The following ZFHX3 variants were observed in gnomAD, a reference collection of about 807,000 sequenced individuals.
The protein encoded by ZFHX3 is zinc finger homeobox protein 3.
ZFHX3 carries 42 observed loss-of-function variants against 279.1 expected under a neutral mutation model. The observed-to-expected ratio is 0.15, with a 90% confidence interval of 0.12 to 0.19. ZFHX3 has a LOEUF of 0.19. Among genes scored for constraint, ZFHX3 ranks in the 10% least tolerant of loss-of-function variants. The pLI is 1.00. For synonymous variants in ZFHX3, 2,293 were observed against 1,957.8 expected, an observed-to-expected ratio of 1.17 and a Z score of -4.52; for missense variants, 4,981 against 4,754.0, an observed-to-expected ratio of 1.05 and a Z score of -1.40.
At chr16:73,866,099 C>T (rs35498909) in intron 1 of ZFHX3, among the ~76,000 whole-genome samples, 1 of 151,458 alleles carries the variant, frequency 6.6e-6, no homozygotes, top group Non-Finnish European at 1.5e-5. Flanking sequence ...ATCTCCCGGG[C>T]TCAGGCAATC....
intron 1 of ZFHX3, among the ~76,000 whole-genome samples, chr16:73,883,057 A>G (rs2030225433): frequency 6.6e-6 from 1 of 151,284 alleles, no homozygotes; most frequent in Non-Finnish European, 1.5e-5. Flanking sequence ...TTTCACATCA[A>G]AAAAAAAACT....
At chr16:73,103,929 T>A (rs1966261965) in intron 7 of ZFHX3, among the ~76,000 whole-genome samples, 1 of 152,258 alleles carries the variant, frequency 6.6e-6, no homozygotes, top group Admixed American at 6.5e-5. Flanking sequence ...GTTTAGTGAT[T>A]TGACCAAAGT....
At chr16:73,568,874 G>C (rs543083237) in intron 2 of ZFHX3, among the ~76,000 whole-genome samples, 1 of 152,106 alleles carries the variant, frequency 6.6e-6, no homozygotes, top group Non-Finnish European at 1.5e-5. Context: ...CCGCTGTCCG[G>C]CTCCGACAGA....
Position 73,634,433 on chromosome 16 carries a change from A to AATATATATATATATAT in ZFHX3, c.-1547+45731_-1547+45746dup, listed in dbSNP as rs60477881. ...GGCAACTCAACCAGTTATTATGTAT[A>AATATATATATATATAT]ATATATATATATATATATATATATA... On this transcript the variant is annotated intron_variant, in intron 2 of 17. Transcript: ENST00000641206. 4.3e-3 allele frequency among the ~76,000 whole-genome samples: 259 copies of AATATATATATATATAT among 59,720 alleles called. 3 individuals are homozygous for AATATATATATATATAT. Among genetic ancestry groups the AATATATATATATATAT allele is most frequent in the Middle Eastern group, 0.028 (1 of 36 alleles). 39.2% of individuals were successfully genotyped at this position (59,720 alleles called of 152,430 possible).
chr16:73,148,265 C>A (rs554145248), intron 5 of ZFHX3, among the ~76,000 whole-genome samples: 1 of 152,190 alleles, frequency 6.6e-6, no homozygotes, highest in South Asian at 2.1e-4. Flanking sequence ...TGACCTACAA[C>A]AATGGAACAC....
chr16:72,945,443 C>T (rs1596995387), intron 3 of ZFHX3, among the ~76,000 whole-genome samples: 1 of 152,162 alleles, frequency 6.6e-6, no homozygotes, highest in African/African-American at 2.4e-5. Flanking sequence ...GCTGCAGAGA[C>T]CCACGTCCCA....
At chr16:73,270,763 G>A (rs1023430344) in intron 4 of ZFHX3, among the ~76,000 whole-genome samples, 5 of 152,138 alleles carry the variant, frequency 3.3e-5, no homozygotes, top group African/African-American at 1.2e-4. Context: ...ACCAGAGGCG[G>A]ATTTACCTTG....
upstream of ZFHX3, among the ~76,000 whole-genome samples, chr16:73,048,615 A>G (rs980572549): frequency 2.0e-5 from 3 of 152,216 alleles, no homozygotes; most frequent in East Asian, 5.8e-4. Flanking sequence ...GGCCACTAAA[A>G]GGAGCCTGAG....
intron 2 of ZFHX3, among the ~76,000 whole-genome samples, chr16:73,643,401 G>A (rs2052590882): frequency 6.6e-6 from 1 of 152,172 alleles, no homozygotes; most frequent in Non-Finnish European, 1.5e-5. Flanking sequence ...TTTATAACCA[G>A]TATCCAAAGA....
chr16:73,728,903 T>C (rs2053545078), intron 1 of ZFHX3, among the ~76,000 whole-genome samples: 2 of 151,886 alleles, frequency 1.3e-5, no homozygotes, highest in Non-Finnish European at 2.9e-5. Context: ...CAGGAGCTGT[T>C]GGTTCCTTTA....
At chr16:72,849,216 C>T (rs1260154494) in intron 4 of ZFHX3, among the ~76,000 whole-genome samples, 1 of 152,100 alleles carries the variant, frequency 6.6e-6, no homozygotes, top group Non-Finnish European at 1.5e-5. Flanking sequence ...ACTGGAATGA[C>T]CCGGGAACTC....
At chr16:73,162,544 C>G (rs1309046629) in intron 5 of ZFHX3, among the ~76,000 whole-genome samples, 1 of 152,104 alleles carries the variant, frequency 6.6e-6, no homozygotes, top group Non-Finnish European at 1.5e-5. Context: ...TGATGGTGAG[C>G]TGTAGAATTA....
At position 72,786,360 on chromosome 16, in the gene ZFHX3, A is replaced by AACTT. The variant is rs1031833383; in HGVS notation, c.*800_*803dup. ...ATAAATACAGAAAGTCAGTTTTTAA[A>AACTT]ACTTATTTTTTTTAAGCTACAAGTC... On this transcript the variant is annotated 3_prime_UTR_variant, in exon 10 of 10. Transcript: ENST00000268489. The AACTT allele has an allele frequency of 6.6e-6, 1 of 152,386 alleles. No individual in the cohort carries two copies. Among genetic ancestry groups the AACTT allele is most frequent in the Non-Finnish European group, 1.5e-5 (1 of 67,994 alleles). 9.4% of individuals were successfully genotyped at this position (152,386 alleles called of 1,614,324 possible). A position where few individuals can be genotyped will look rare whatever the true frequency, so the allele number is the denominator to read the frequency against.
chr16:73,483,690 T>C (rs2018915078), intron 2 of ZFHX3, among the ~76,000 whole-genome samples: 1 of 152,110 alleles, frequency 6.6e-6, no homozygotes, highest in Non-Finnish European at 1.5e-5. Flanking sequence ...TTTACATTCC[T>C]GGTATGTATA....
chr16:73,645,011 T>C (rs1370860627), intron 2 of ZFHX3, among the ~76,000 whole-genome samples: 1 of 152,212 alleles, frequency 6.6e-6, no homozygotes, highest in African/African-American at 2.4e-5. Flanking sequence ...TTCACTGGCA[T>C]GACTGAACAC....
At chr16:73,518,631 A>G (rs773183180) in intron 2 of ZFHX3, among the ~76,000 whole-genome samples, 23 of 152,210 alleles carry the variant, frequency 1.5e-4, no homozygotes, top group Non-Finnish European at 2.8e-4. Flanking sequence ...AAAGACCTCC[A>G]AAGAGGGAGA....
chr16:73,435,190 G>A (rs1054501122), intron 3 of ZFHX3, among the ~76,000 whole-genome samples: 1 of 151,990 alleles, frequency 6.6e-6, no homozygotes, highest in African/African-American at 2.4e-5. Flanking sequence ...CTCAGGCTTG[G>A]GACTCTTGAT....
At chr16:73,671,722 T>C (rs573064162) in intron 2 of ZFHX3, among the ~76,000 whole-genome samples, 167 of 152,332 alleles carry the variant, frequency 1.1e-3, no homozygotes, top group Non-Finnish European at 2.0e-3. Flanking sequence ...AGGGGAGCTT[T>C]TTAAGTTAAG....
chr16:73,378,539 T>TA (rs1169161486), intron 3 of ZFHX3, among the ~76,000 whole-genome samples: 1 of 152,144 alleles, frequency 6.6e-6, no homozygotes, highest in African/African-American at 2.4e-5. Flanking sequence ...TGCTAAAGGT[T>TA]AAAAAAACTA....
Sources: allele counts gnomAD v4.1 joint callset (sites outside exome capture counted in the v4.1 genomes callset), GRCh38; gene constraint gnomAD v4.1.1; transcripts MANE v1.5; gene names NCBI Gene and HGNC (gene_info 2026-07-23, HGNC 2026-07-21).